TTC6: variants seen among roughly 807,000 people sequenced by gnomAD.
The protein encoded by TTC6 is tetratricopeptide repeat domain 6.
In TTC6, 172 loss-of-function variants were observed where a neutral mutation model predicts 210.4. That is an observed-to-expected ratio of 0.82 (90% confidence interval 0.72 to 0.93). The LOEUF (loss-of-function observed/expected upper bound fraction) is 0.93, where lower values mean the gene tolerates loss of function less well. Ranked by LOEUF, TTC6 falls within the 40% of genes least tolerant of loss-of-function variation. The pLI, the probability that TTC6 is intolerant of heterozygous loss-of-function variation, is 0.00. For missense variants in TTC6, 2,414 were observed against 2,318.1 expected (o/e 1.04, Z -0.85); for synonymous variants, 804 against 819.6 (o/e 0.98, Z 0.32).
rs1287677214 is a variant in TTC6, at chr14:37,598,369, C to T, written c.-235+2361C>T. ...CAGGTCGCGGGGAGGGCGGGCTCCT[C>T]AAGTGGGGGATCCGCGGCAGTGAGG... On this transcript the variant is annotated intron_variant, in intron 1 of 2. Coordinates refer to the TTC6 transcript ENST00000556845. This position sits in a 1 kb window ranked among gnomAD's most constrained non-coding sequence, Gnocchi z 4.9. 2.0e-5 allele frequency among the ~76,000 whole-genome samples: 3 copies of T among 152,136 alleles called. No individual in the cohort carries two copies. The highest frequency in any genetic ancestry group is 7.2e-5 in the African/African-American group (3 of 41,450).
Position 37,738,765 on chromosome 14 carries a change from T to A in TTC6, c.1984-11T>A. ...TTTACGTTTTTTCTACCTCTTTGCT[T>A]GCTTACTAAGCGAGTAAAATCTTCT... On this transcript the variant is annotated splice_polypyrimidine_tract_variant and intron_variant, in intron 9 of 30. Coordinates refer to ENST00000553443, the Ensembl canonical transcript of TTC6. 6.9e-7 allele frequency: 1 copy of A among 1,448,406 alleles called. No individual in the cohort carries two copies. The highest frequency in any genetic ancestry group is 9.0e-7 in the Non-Finnish European group (1 of 1,107,386). 89.7% of individuals were successfully genotyped at this position (1,448,406 alleles called of 1,614,324 possible).
At chr14:37,783,128 A>G (rs1484523670) in intron 14 of TTC6, among the ~76,000 whole-genome samples, 1 of 152,128 alleles carries the variant, frequency 6.6e-6, no homozygotes, top group East Asian at 1.9e-4. Context: ...TGGTATGAGG[A>G]TGATGCTGGC....
chr14:37,669,296 G>C (rs1015485422), intron 1 of TTC6, among the ~76,000 whole-genome samples: 4 of 152,164 alleles, frequency 2.6e-5, no homozygotes, highest in Admixed American at 6.6e-5. Context: ...GGGAGTGAGG[G>C]AGCCAATGTG....
At chr14:37,595,862 A>C (rs2095603262) in exon 1 of TTC6, 1 of 151,960 alleles carries the variant, frequency 6.6e-6, no homozygotes, top group African/African-American at 2.4e-5. Context: ...GCTTCAGACT[A>C]GAAAAGGGAA....
chr14:37,825,655 G>A (rs1323213924), intron 27 of TTC6, among the ~76,000 whole-genome samples: 1 of 152,082 alleles, frequency 6.6e-6, no homozygotes, highest in Non-Finnish European at 1.5e-5. Context: ...AAGCTTGGTA[G>A]ATTTGCATGT....
intron 3 of TTC6, among the ~76,000 whole-genome samples, chr14:37,685,716 A>G (rs12889687): frequency 0.057 from 8,728 of 152,280 alleles, 387 homozygotes; most frequent in Non-Finnish European, 0.09. Flanking sequence ...AGTTAACTTG[A>G]ATATCTGAGC....
At chr14:37,733,414 T>C (rs769058598) in intron 7 of TTC6, among the ~76,000 whole-genome samples, 25 of 152,154 alleles carry the variant, frequency 1.6e-4, no homozygotes, top group Admixed American at 6.5e-4. Context: ...GGGTAGAAGG[T>C]CTGCAAGTTG....
chr14:37,690,404 T>C (rs1279217465), intron 3 of TTC6, among the ~76,000 whole-genome samples: 2 of 152,012 alleles, frequency 1.3e-5, no homozygotes, highest in African/African-American at 4.8e-5. Flanking sequence ...GTGAATGGAC[T>C]AAACTCTCCA....
At chr14:37,761,625 G>C (rs2095984864) in intron 14 of TTC6, among the ~76,000 whole-genome samples, 1 of 150,458 alleles carries the variant, frequency 6.6e-6, no homozygotes. Context: ...CCTGGGGGAA[G>C]ACAACCACTG....
intron 28 of TTC6, among the ~76,000 whole-genome samples, chr14:37,826,920 A>G (rs1005973071): frequency 3.9e-5 from 6 of 152,150 alleles, no homozygotes; most frequent in African/African-American, 1.4e-4. Context: ...ACAGCTAAAC[A>G]GATAAGCTTT....
At chr14:37,635,091 A>G (rs1424244447) in intron 1 of TTC6, among the ~76,000 whole-genome samples, 1 of 152,244 alleles carries the variant, frequency 6.6e-6, no homozygotes, top group African/African-American at 2.4e-5. Flanking sequence ...TGCGTTTTCT[A>G]GATTGTGTTT....
At chr14:37,797,217 A>G (rs147242186) in intron 20 of TTC6, among the ~76,000 whole-genome samples, 14 of 152,086 alleles carry the variant, frequency 9.2e-5, no homozygotes, top group African/African-American at 3.4e-4. Context: ...GAGAATGTGA[A>G]TGTTTAACTT....
At chr14:37,622,312 C>T in exon 1 of TTC6, 1 of 1,533,968 alleles carries the variant, frequency 6.5e-7, no homozygotes, top group African/African-American at 1.4e-5. Flanking sequence ...AAAGGCCCTG[C>T]GATGTCCGCG....
intron 30 of TTC6, 59 bp downstream of exon 32, chr14:37,841,729 C>A (rs968393983): frequency 1.1e-5 from 15 of 1,336,698 alleles, no homozygotes; most frequent in Non-Finnish European, 1.4e-5. Context: ...TATTTTTAGG[C>A]TACAAAAGAA....
In TTC6 at chr14:37,817,670, G is replaced by T; in HGVS notation, c.4763+19G>T. ...ATCACAGGTATGGAGTGCAATTGAT[G>T]TCAAAGTGGAATCAAGCAGGACCAT... On this transcript the variant is annotated intron_variant, in intron 26 of 30. Transcript: ENST00000553443. 1 of 1,611,726 alleles carries T rather than the reference G, an allele frequency of 6.2e-7. No individual in the cohort carries two copies. Among genetic ancestry groups the T allele is most frequent in the Non-Finnish European group, 8.5e-7 (1 of 1,178,016 alleles).
intron 2 of TTC6, 50 bp downstream of exon 4, chr14:37,680,311 GCTTC>G: frequency 2.6e-6 from 3 of 1,150,416 alleles, no homozygotes; most frequent in Non-Finnish European, 2.4e-6. Context: ...GTAACAGCAT[GCTTC>G]CTGTTGCTTG....
At chr14:37,803,190 C>G (rs1287726853) in intron 20 of TTC6, among the ~76,000 whole-genome samples, 1 of 152,168 alleles carries the variant, frequency 6.6e-6, no homozygotes, top group Non-Finnish European at 1.5e-5. Context: ...CTCTGTGACT[C>G]TAGCTGGATA....
intron 14 of TTC6, among the ~76,000 whole-genome samples, chr14:37,762,450 A>G (rs2095987361): frequency 6.6e-6 from 1 of 152,214 alleles, no homozygotes; most frequent in Non-Finnish European, 1.5e-5. Context: ...AACAGTGTAC[A>G]AGAGTTCCCT....
intron 7 of TTC6, among the ~76,000 whole-genome samples, chr14:37,728,529 G>A (rs1447452202): frequency 6.6e-6 from 1 of 152,080 alleles, no homozygotes; most frequent in African/African-American, 2.4e-5. Flanking sequence ...ATTTGAAATG[G>A]TCCAGTTTGG....
Sources: gnomAD v4.1 joint callset for allele counts (sites outside exome capture counted in the v4.1 genomes callset) on GRCh38, gnomAD v4.1.1 for gene constraint, Gnocchi (gnomAD v3.1) non-coding constraint, MANE v1.5 for transcripts, NCBI Gene and HGNC (gene_info 2026-07-23, HGNC 2026-07-21) for gene names.